ADGRL3: variants seen among roughly 807,000 people sequenced by gnomAD.
The protein encoded by ADGRL3 is calcium-independent alpha-latrotoxin receptor 3.
Under a neutral mutation model 153.5 loss-of-function variants are expected in ADGRL3, and 62 were observed. The observed-to-expected ratio is 0.40, with a 90% confidence interval of 0.33 to 0.50. ADGRL3 has a LOEUF of 0.50. ADGRL3 is among the 20% of genes least tolerant of loss of function. ADGRL3 has a pLI of 0.47. For missense variants in ADGRL3, 1,641 were observed against 1,859.4 expected (o/e 0.88, Z 2.16); for synonymous variants, 710 against 672.5 (o/e 1.06, Z -0.86).
At chr4:61,847,283 C>A (rs1298547915) in intron 9 of ADGRL3, among the ~76,000 whole-genome samples, 1 of 151,282 alleles carries the variant, frequency 6.6e-6, no homozygotes, top group East Asian at 1.9e-4. Context: ...TATGAAATTT[C>A]CAAAGTAAAG....
chr4:61,692,597 C>A (rs538021831), intron 6 of ADGRL3, among the ~76,000 whole-genome samples: 12 of 152,092 alleles, frequency 7.9e-5, no homozygotes, highest in African/African-American at 2.6e-4. Context: ...CACCTGCCCC[C>A]CATGCCTGGC....
At chr4:61,767,563 C>T (rs1424229227) in intron 8 of ADGRL3, among the ~76,000 whole-genome samples, 1 of 152,142 alleles carries the variant, frequency 6.6e-6, no homozygotes, top group African/African-American at 2.4e-5. Context: ...TGTCAGTCTT[C>T]AGCCGGTAAG....
At chr4:61,475,624 C>T (rs996267073) in intron 2 of ADGRL3, among the ~76,000 whole-genome samples, 4 of 151,250 alleles carry the variant, frequency 2.6e-5, no homozygotes, top group African/African-American at 9.7e-5. Flanking sequence ...ATATATCTTA[C>T]ATTTTCTTTG....
chr4:61,634,429 T>C (rs2093327833), intron 5 of ADGRL3, among the ~76,000 whole-genome samples: 1 of 152,154 alleles, frequency 6.6e-6, no homozygotes, highest in African/African-American at 2.4e-5. Context: ...AAAGAGGCCA[T>C]CATTAAAGTG....
At chr4:61,781,330 C>CCAAAAAAAAAAAAA in intron 8 of ADGRL3, among the ~76,000 whole-genome samples, 1 of 105,924 alleles carries the variant, frequency 9.4e-6, no homozygotes, top group African/African-American at 4.9e-5. Flanking sequence ...AATTCTGCCT[C>CCAAAAAAAAAAAAA]CAAAAAAAAA....
Position 61,909,750 on chromosome 4 carries a change from G to A in ADGRL3, c.2073+5G>A, listed in dbSNP as rs940004738. The A allele has an allele frequency of 8.0e-6, 12 of 1,507,554 alleles. No homozygotes were observed. The highest frequency in any genetic ancestry group is 9.8e-6 in the Non-Finnish European group (11 of 1,121,656). 93.4% of individuals were successfully genotyped at this position (1,507,554 alleles called of 1,614,324 possible). A position where few individuals can be genotyped will look rare whatever the true frequency, so the allele number is the denominator to read the frequency against. ...GCTGCCCGGAGTTTGAACAAGGTAA[G>A]GACCCTAATTATGTGTGTGTGTGTG... On this transcript the variant is annotated splice_donor_5th_base_variant and intron_variant, in intron 12 of 26. Coordinates refer to ENST00000683033, the MANE Select transcript of ADGRL3 (RefSeq NM_001387552.1).
intron 6 of ADGRL3, among the ~76,000 whole-genome samples, chr4:61,707,533 ATTATTTTTTCAATTGATT>A (rs2095876336): frequency 6.6e-6 from 1 of 152,140 alleles, no homozygotes; most frequent in Admixed American, 6.5e-5. Context: ...GTTAGTTCAT[ATTATTTTTTCAATTGATT>A]TTAAAGGTGT....
rs190413780 is a variant in ADGRL3, at chr4:61,649,202, A to G, written c.474-27624A>G. On this transcript the variant is annotated intron_variant, in intron 5 of 26. Coordinates refer to ENST00000683033, the MANE Select transcript of ADGRL3 (RefSeq NM_001387552.1). ...ACGCCATTCCTCTTAGTAGTTACAT[A>G]TGGATGTAACATCGCTTATTTGCCA... 1.4e-3 allele frequency among the ~76,000 whole-genome samples: 215 copies of G among 152,210 alleles called. 1 individual carries two copies. Among genetic ancestry groups the G allele is most frequent in the South Asian group, 3.9e-3 (19 of 4,826 alleles).
At chr4:61,758,465 G>T (rs902242599) in intron 8 of ADGRL3, among the ~76,000 whole-genome samples, 3 of 151,990 alleles carry the variant, frequency 2.0e-5, no homozygotes, top group African/African-American at 7.3e-5. Flanking sequence ...ATCTTTGTTG[G>T]TTTAAAGTCT....
Position 61,517,322 on chromosome 4 carries a change from G to A in ADGRL3, c.63G>A (p.Lys21=), listed in dbSNP as rs1241088466. The part of the protein sequence containing the change: ...MLLAPIIHGG[K]HSERHPALAA... ...GCCCTGCGGTCCCCGCAGGTGGCAA[G>A]CACAGTGAACGACATCCTGCCCTTG... is the stretch of plus-strand genomic sequence containing the variant. The change falls in exon 4 of 27, where the codon AAG becomes AAA. Residue 21 remains lysine, a synonymous_variant. Transcript: ENST00000683033. 1 of 702,896 alleles carries A rather than the reference G, an allele frequency of 1.4e-6. No homozygotes were observed. Among genetic ancestry groups the A allele is most frequent in the African/African-American group, 1.7e-5 (1 of 57,262 alleles). The allele number at this position is 702,896 out of a possible 1,614,324, so 43.5% of individuals were successfully genotyped here.
At chr4:61,484,093 G>A (rs1377782048) in intron 2 of ADGRL3, among the ~76,000 whole-genome samples, 2 of 151,536 alleles carry the variant, frequency 1.3e-5, no homozygotes, top group African/African-American at 4.8e-5. Flanking sequence ...CCTCATCCCC[G>A]ATTTTTTTTT....
intron 9 of ADGRL3, among the ~76,000 whole-genome samples, chr4:61,830,904 T>G (rs1561320668): frequency 6.6e-6 from 1 of 152,194 alleles, no homozygotes; most frequent in Non-Finnish European, 1.5e-5. Context: ...TATTATTTTA[T>G]TTTTTGAGAC....
intron 4 of ADGRL3, among the ~76,000 whole-genome samples, chr4:61,544,017 G>T (rs2098702554): frequency 6.6e-6 from 1 of 152,166 alleles, no homozygotes; most frequent in Admixed American, 6.5e-5. Flanking sequence ...TACTTAGGAT[G>T]CTTCTAACTC....
chr4:61,488,801 C>T (rs1312534205), intron 2 of ADGRL3, among the ~76,000 whole-genome samples: 1 of 151,946 alleles, frequency 6.6e-6, no homozygotes, highest in Non-Finnish European at 1.5e-5. Flanking sequence ...ACCATACTAA[C>T]TCTGGCAAAT....
intron 9 of ADGRL3, among the ~76,000 whole-genome samples, chr4:61,816,788 G>A (rs2148661661): frequency 6.6e-6 from 1 of 152,196 alleles, no homozygotes; most frequent in East Asian, 1.9e-4. Flanking sequence ...AGCCGGCAGG[G>A]GCCAGGAACA....
chr4:61,759,229 G>T (rs1477648136), intron 8 of ADGRL3, among the ~76,000 whole-genome samples: 2 of 152,140 alleles, frequency 1.3e-5, no homozygotes, highest in African/African-American at 4.8e-5. Context: ...GCCGTGCTAG[G>T]TTGGGGAAGT....
rs1305610298 is a variant in ADGRL3, at chr4:61,517,509, G to A, written c.250G>A (p.Ala84Thr). 2.8e-6 allele frequency: 2 copies of A among 708,814 alleles called. No homozygotes were observed. The highest frequency in any genetic ancestry group is 3.0e-5 in the South Asian group (2 of 67,634). The allele number at this position is 708,814 out of a possible 1,614,324, so 43.9% of individuals were successfully genotyped here. A position where few individuals can be genotyped will look rare whatever the true frequency, so the allele number is the denominator to read the frequency against. The change falls in exon 4 of 27, where the codon GCA becomes ACA. Residue 84 changes from alanine to threonine, a missense_variant. By Grantham distance (58) the Ala-to-Thr change is moderately conservative. Transcript: ENST00000683033. ...RGPGAQGAQIAAQAFSRAPIP... is the reference protein window; with the variant it reads ...RGPGAQGAQITAQAFSRAPIP... Reference sequence around the variant, plus strand: ...TCCAGGTGCCCAAGGAGCACAGATTGCAGCGCAAGGTGCGGCCAGCGGTGG... The same window carrying A: ...TCCAGGTGCCCAAGGAGCACAGATTACAGCGCAAGGTGCGGCCAGCGGTGG...
intron 13 of ADGRL3, among the ~76,000 whole-genome samples, chr4:61,927,131 G>T (rs1286083950): frequency 1.3e-5 from 2 of 152,120 alleles, no homozygotes; most frequent in Non-Finnish European, 2.9e-5. Flanking sequence ...TTGAGGGAAG[G>T]GAGAACATCT....
At chr4:61,583,637 G>A (rs1465813945) in intron 4 of ADGRL3, 2 of 516,978 alleles carry the variant, frequency 3.9e-6, no homozygotes, top group Non-Finnish European at 7.7e-6. Flanking sequence ...CTGAGGTTCT[G>A]ACATCTTTAT....
Sources: gnomAD v4.1 joint callset for allele counts (sites outside exome capture counted in the v4.1 genomes callset) on GRCh38, gnomAD v4.1.1 for gene constraint, MANE v1.5 for transcripts, NCBI Gene and HGNC (gene_info 2026-07-23, HGNC 2026-07-21) for gene names.